PLCH2: variants seen among roughly 807,000 people sequenced by gnomAD.
PLCH2 encodes the protein phospholipase C eta 2, also known as 1-phosphatidylinositol 4,5-bisphosphate phosphodiesterase eta-2.
PLCH2 carries 98 observed loss-of-function variants against 134.7 expected under a neutral mutation model. The observed-to-expected ratio is 0.73, with a 90% CI of 0.62 to 0.86. The LOEUF is 0.86. PLCH2 is among the 40% of genes least tolerant of loss of function. The pLI, the probability that PLCH2 is intolerant of heterozygous loss-of-function variation, is 0.00. For missense variants in PLCH2, 1,994 were observed against 1,986.6 expected (o/e 1.00, Z -0.07); for synonymous variants, 974 against 827.5 (o/e 1.18, Z -3.04).
intron 3 of PLCH2, 93 bp from the exon 4 acceptor site, chr1:2,480,090 C>A: frequency 1.3e-6 from 2 of 1,581,512 alleles, no homozygotes; most frequent in South Asian, 2.3e-5. Flanking sequence ...GGCCGGTAGG[C>A]TGGGGTCCCC....
chr1:2,477,224 G>C (rs1027316672), intron 1 of PLCH2, among the ~76,000 whole-genome samples: 10 of 152,266 alleles, frequency 6.6e-5, no homozygotes, highest in African/African-American at 2.4e-4. Flanking sequence ...CGGCAGACAG[G>C]GTCCTGTCCA....
upstream of PLCH2, among the ~76,000 whole-genome samples, chr1:2,463,930 T>A (rs1640940231): frequency 6.6e-6 from 1 of 152,194 alleles, no homozygotes; most frequent in African/African-American, 2.4e-5. Context: ...AGTCAGGGTG[T>A]GAACTGGGGT....
chr1:2,428,819 C>A (rs1265106589), intron 1 of PLCH2, among the ~76,000 whole-genome samples: 1 of 152,258 alleles, frequency 6.6e-6, no homozygotes, highest in Non-Finnish European at 1.5e-5. Flanking sequence ...CTGGGAGACC[C>A]CATGCCTGGG....
intron 11 of PLCH2, 133 bp downstream of exon 11, chr1:2,491,468 A>C (rs554532480): frequency 2.2e-6 from 2 of 923,496 alleles, no homozygotes; most frequent in African/African-American, 3.3e-5. Context: ...GCACACAAGC[A>C]TACCTCTGTA....
At chr1:2,500,555 G>A (rs902534794) in intron 20 of PLCH2, 2 of 152,336 alleles carry the variant, frequency 1.3e-5, no homozygotes, top group African/African-American at 2.4e-5. Flanking sequence ...TCTGTTAGGA[G>A]CCTTGAAGGT....
At chr1:2,424,431 GGT>G (rs1638671381), upstream of PLCH2, among the ~76,000 whole-genome samples, 1 of 152,126 alleles carries the variant, frequency 6.6e-6, no homozygotes, top group African/African-American at 2.4e-5. Flanking sequence ...TATGAGCTCA[GGT>G]GTTTTAGATT....
At chr1:2,423,252 A>G (rs2100462618), upstream of PLCH2, among the ~76,000 whole-genome samples, 1 of 152,286 alleles carries the variant, frequency 6.6e-6, no homozygotes, top group Admixed American at 6.5e-5. Context: ...CAGTGGCACC[A>G]TCACAGTTCA....
At chr1:2,437,239 C>T (rs966006271) in intron 2 of PLCH2, among the ~76,000 whole-genome samples, 7 of 152,294 alleles carry the variant, frequency 4.6e-5, no homozygotes, top group South Asian at 2.1e-4. Flanking sequence ...CTGCCAATTT[C>T]GGTGCCTTGG....
In PLCH2 at chr1:2,504,583, G is replaced by A. The variant is rs1056807323; in HGVS notation, c.3621G>A (p.Arg1207=). 19 of 1,612,618 alleles carry A rather than the reference G, an allele frequency of 1.2e-5. No individual in the cohort carries two copies. The African/African-American group carries it at 1.9e-4, about 16-fold the overall frequency. ...AGAGCAAATCCAACCCCAACCTTCGGGCTACAGGCCAGCGGCCTCCCATAC... is the reference window on the plus strand; with the variant it reads ...AGAGCAAATCCAACCCCAACCTTCGAGCTACAGGCCAGCGGCCTCCCATAC... ...VTKSKSNPNL[R]ATGQRPPIPD... The change falls in exon 22 of 22, where the codon CGG becomes CGA. Residue 1207 remains arginine (R), a synonymous_variant. Coordinates refer to ENST00000378486, the MANE Select transcript of PLCH2 (RefSeq NM_014638.4).
chr1:2,433,465 T>TTGGGGTTCAGG (rs1557939148), intron 2 of PLCH2, among the ~76,000 whole-genome samples: 1 of 151,968 alleles, frequency 6.6e-6, no homozygotes, highest in African/African-American at 2.4e-5. Context: ...GGTTCAGGGC[T>TTGGGGTTCAGG]GCTGGAGTAT....
chr1:2,431,015 C>T (rs1250524684), intron 2 of PLCH2, among the ~76,000 whole-genome samples: 4 of 152,180 alleles, frequency 2.6e-5, no homozygotes, highest in Admixed American at 6.5e-5. Context: ...GAAGGCCTCC[C>T]GATGTGGCGG....
chr1:2,425,368 A>T (rs773095026), upstream of PLCH2, among the ~76,000 whole-genome samples: 8 of 152,098 alleles, frequency 5.3e-5, no homozygotes, highest in Non-Finnish European at 7.4e-5. Context: ...CCACTCATCC[A>T]CTGATGGACA....
rs1334504756 is a variant in PLCH2 at position 2,505,045 on chromosome 1, G to A, written c.4083G>A (p.Gln1361=). Residue 1361 remains glutamine, a synonymous_variant, in exon 22 of 22, where the codon CAG becomes CAA. Coordinates refer to ENST00000378486, the MANE Select transcript of PLCH2 (RefSeq NM_014638.4). ...SRARQAQERQ[Q]RLQGLGRQGP... is the part of the protein sequence containing the mutation. ...CCCGCCAGGCCCAGGAGCGGCAGCA[G>A]AGACTGCAGGGCCTGGGCCGGCAGG... 2 of 1,543,006 alleles carry A rather than the reference G, an allele frequency of 1.3e-6. No homozygotes were observed. Among genetic ancestry groups the A allele is most frequent in the Admixed American group, 1.9e-5 (1 of 52,078 alleles).
rs1484035119 is a variant in PLCH2, at chr1:2,504,289, G to A, written c.3327G>A (p.Arg1109=). The change falls in exon 22 of 22, where the codon CGG becomes CGA. Residue 1109 remains arginine, a synonymous_variant. Transcript: ENST00000378486. ...CCACGGAGCCCCTGGGAGGGTGGCG[G>A]CCCCTGGCCGCTCCCTTTCCAGCTC... ...QVPTEPLGGW[R]PLAAPFPAPA... 1.3e-6 allele frequency: 2 copies of A among 1,595,348 alleles called. No homozygotes were observed. Among genetic ancestry groups the A allele is most frequent in the Non-Finnish European group, 1.7e-6 (2 of 1,173,320 alleles).
At chr1:2,451,907 A>T (rs1379980428) in intron 2 of PLCH2, among the ~76,000 whole-genome samples, 1 of 152,124 alleles carries the variant, frequency 6.6e-6, no homozygotes, top group Non-Finnish European at 1.5e-5. Flanking sequence ...GCTGGTGGGG[A>T]AGTGTCTGTT....
At chr1:2,458,168 G>C (rs1265691058) in intron 2 of PLCH2, among the ~76,000 whole-genome samples, 1 of 152,174 alleles carries the variant, frequency 6.6e-6, no homozygotes, top group African/African-American at 2.4e-5. Context: ...GCTGGGTGGG[G>C]ACTCAGGGCA....
Position 2,448,443 on chromosome 1 carries a change from C to T in PLCH2, c.115+17814C>T, listed in dbSNP as rs998613929. Among the ~76,000 whole-genome samples, 4 of 152,304 alleles carry T rather than the reference C, an allele frequency of 2.6e-5. No individual in the cohort carries two copies. Among genetic ancestry groups the T allele is most frequent in the African/African-American group, 7.2e-5 (3 of 41,560 alleles). ...TCGCCCTTCTCTCCGTCTTCTCTTG[C>T]GCCTCGAGTCTCCTTTGTCCTGTAG... On this transcript the variant is annotated intron_variant, in intron 2 of 3. Transcript: ENST00000609981. This position sits in a 1 kb window ranked among gnomAD's most constrained non-coding sequence, Gnocchi z 4.0.
At chr1:2,465,691 G>A (rs1210212676), upstream of PLCH2, among the ~76,000 whole-genome samples, 1 of 152,222 alleles carries the variant, frequency 6.6e-6, no homozygotes, top group Admixed American at 6.5e-5. Flanking sequence ...AAATTAACAT[G>A]TGCAGCGGGC....
At chr1:2,459,004 T>C (rs555973527) in intron 2 of PLCH2, among the ~76,000 whole-genome samples, 1 of 152,368 alleles carries the variant, frequency 6.6e-6, no homozygotes, top group South Asian at 2.1e-4. Flanking sequence ...CTGGGCACTC[T>C]TGAGTCACTG....
Sources: allele counts gnomAD v4.1 joint callset (sites outside exome capture counted in the v4.1 genomes callset), GRCh38; gene constraint gnomAD v4.1.1; non-coding constraint Gnocchi (gnomAD v3.1); transcripts MANE v1.5; gene names NCBI Gene and HGNC (gene_info 2026-07-23, HGNC 2026-07-21).